Variants in ATP8A2 observed in about 807,000 individuals in gnomAD.
The protein encoded by ATP8A2 is ATPase phospholipid transporting 8A2, also known as phospholipid-transporting ATPase IB.
A neutral mutation model predicts 165.6 loss-of-function variants in ATP8A2; 100 were observed. The observed-to-expected ratio is 0.60, with a 90% CI of 0.51 to 0.71. The LOEUF is 0.71. Ranked by LOEUF, ATP8A2 falls within the 30% of genes least tolerant of loss-of-function variation. The pLI, the probability that ATP8A2 is intolerant of heterozygous loss-of-function variation, is 0.00. For synonymous variants in ATP8A2, 543 were observed against 548.8 expected (o/e 0.99, Z 0.15); for missense variants, 1,227 against 1,479.5 (o/e 0.83, Z 2.80).
At chr13:25,523,341 T>A (rs1369355837) in intron 2 of ATP8A2, among the ~76,000 whole-genome samples, 1 of 151,696 alleles carries the variant, frequency 6.6e-6, no homozygotes, top group Non-Finnish European at 1.5e-5. Context: ...GCCGCAATCT[T>A]GGCTCACTGC....
At chr13:25,968,910 G>A (rs1200867297) in intron 35 of ATP8A2, among the ~76,000 whole-genome samples, 3 of 150,636 alleles carry the variant, frequency 2.0e-5, no homozygotes, top group Admixed American at 6.6e-5. Context: ...TTAGAAGTGA[G>A]CAAAACAACT....
intron 23 of ATP8A2, among the ~76,000 whole-genome samples, chr13:25,587,367 C>G (rs530581952): frequency 2.0e-5 from 3 of 152,112 alleles, no homozygotes; most frequent in South Asian, 2.1e-4. Context: ...TTCTCAGAAG[C>G]CTTTAGTTTT....
chr13:25,515,232 G>C (rs1168342014), intron 2 of ATP8A2, among the ~76,000 whole-genome samples: 1 of 152,166 alleles, frequency 6.6e-6, no homozygotes, highest in Non-Finnish European at 1.5e-5. Context: ...CATACCATTG[G>C]CCCTCTTGCC....
chr13:25,583,034 T>TGTG (rs1393110292), intron 23 of ATP8A2, among the ~76,000 whole-genome samples: 2 of 152,222 alleles, frequency 1.3e-5, no homozygotes, highest in African/African-American at 4.8e-5. Flanking sequence ...TCCCTGGATT[T>TGTG]GTGCTGGTTG....
intron 33 of ATP8A2, among the ~76,000 whole-genome samples, chr13:25,873,616 G>A (rs1394191884): frequency 6.7e-6 from 1 of 149,822 alleles, no homozygotes; most frequent in Non-Finnish European, 1.5e-5. Flanking sequence ...TCCAGGCTCT[G>A]TTATTTTTAC....
At chr13:25,668,943 C>G (rs2042209778) in intron 24 of ATP8A2, among the ~76,000 whole-genome samples, 1 of 152,012 alleles carries the variant, frequency 6.6e-6, no homozygotes, top group African/African-American at 2.4e-5. Flanking sequence ...ACATTGCTTT[C>G]TTTATTTCCT....
At chr13:25,685,776 C>T (rs1333997169) in intron 24 of ATP8A2, among the ~76,000 whole-genome samples, 2 of 152,178 alleles carry the variant, frequency 1.3e-5, no homozygotes, top group Non-Finnish European at 2.9e-5. Context: ...GGTTCTTATT[C>T]AGATGGAGAC....
At chr13:25,837,142 G>A (rs776025357) in intron 28 of ATP8A2, 21 bp from the exon 29 acceptor site, 2 of 1,608,706 alleles carry the variant, frequency 1.2e-6, no homozygotes, top group South Asian at 2.2e-5. Context: ...TGCTTTTAAT[G>A]GCTCATTGTT....
intron 25 of ATP8A2, among the ~76,000 whole-genome samples, chr13:25,765,593 A>G (rs2044474141): frequency 6.6e-6 from 1 of 152,192 alleles, no homozygotes; most frequent in South Asian, 2.1e-4. Flanking sequence ...TAAATCCTTG[A>G]TGAGAATTTC....
chr13:25,416,876 T>C (rs2034146711), intron 1 of ATP8A2, among the ~76,000 whole-genome samples: 1 of 152,166 alleles, frequency 6.6e-6, no homozygotes, highest in Non-Finnish European at 1.5e-5. Context: ...AGGTTGAAAA[T>C]ACTGAGGCAT....
chr13:25,983,349 G>C (rs747549828), intron 35 of ATP8A2, among the ~76,000 whole-genome samples: 2 of 152,126 alleles, frequency 1.3e-5, no homozygotes, highest in Non-Finnish European at 2.9e-5. Context: ...TCTGTAATTT[G>C]TTCTCCCAAA....
chr13:25,923,187 A>G (rs1954509595), intron 33 of ATP8A2, among the ~76,000 whole-genome samples: 1 of 152,364 alleles, frequency 6.6e-6, no homozygotes, highest in Middle Eastern at 3.4e-3. Context: ...TAACAATACC[A>G]GTCAAGTTTC....
At chr13:25,715,019 A>G (rs1183809547) in intron 25 of ATP8A2, among the ~76,000 whole-genome samples, 1 of 152,224 alleles carries the variant, frequency 6.6e-6, no homozygotes, top group African/African-American at 2.4e-5. Flanking sequence ...GCTTCATTTG[A>G]AAGTTATATA....
chr13:25,778,728 A>G (rs1351866846), intron 27 of ATP8A2, among the ~76,000 whole-genome samples: 1 of 151,986 alleles, frequency 6.6e-6, no homozygotes, highest in African/African-American at 2.4e-5. Context: ...CTTCTGATGA[A>G]ATGCCCATCT....
At chr13:25,659,013 T>A (rs1180700702) in intron 24 of ATP8A2, among the ~76,000 whole-genome samples, 1 of 152,170 alleles carries the variant, frequency 6.6e-6, no homozygotes, top group Admixed American at 6.5e-5. Context: ...ATATTAAAGG[T>A]AGCAGGGCCT....
intron 25 of ATP8A2, among the ~76,000 whole-genome samples, chr13:25,703,134 C>A (rs2137934577): frequency 1.3e-5 from 2 of 152,280 alleles, no homozygotes; most frequent in South Asian, 4.1e-4. Flanking sequence ...GGCTGGAGTG[C>A]AGTGGCGCTA....
intron 1 of ATP8A2, among the ~76,000 whole-genome samples, chr13:25,416,119 C>A (rs778239381): frequency 2.6e-5 from 4 of 152,210 alleles, no homozygotes. Context: ...TGAGCCACTA[C>A]ACCTGGCCTC....
intron 31 of ATP8A2, 140 bp downstream of exon 31, chr13:25,860,396 T>C: frequency 1.8e-6 from 1 of 566,958 alleles, no homozygotes; most frequent in Admixed American, 3.3e-5. Context: ...TCCTTCAAAG[T>C]TCAGAATGGT....
At chr13:25,491,481 G>A (rs1453076491) in intron 2 of ATP8A2, among the ~76,000 whole-genome samples, 1 of 152,170 alleles carries the variant, frequency 6.6e-6, no homozygotes, top group South Asian at 2.1e-4. Context: ...TTCCAGCAGA[G>A]ACTCTCAAAG....
Sources: allele counts gnomAD v4.1 joint callset (sites outside exome capture counted in the v4.1 genomes callset), GRCh38; gene constraint gnomAD v4.1.1; transcripts MANE v1.5; gene names NCBI Gene and HGNC (gene_info 2026-07-23, HGNC 2026-07-21).